PTK7: variants seen among roughly 807,000 people sequenced by gnomAD.
The protein encoded by PTK7 is inactive tyrosine-protein kinase 7.
PTK7 carries 39 observed loss-of-function variants against 116.6 expected under a neutral mutation model. The observed-to-expected ratio is 0.33, with a 90% CI of 0.26 to 0.44. The LOEUF is 0.44. Among genes scored for constraint, PTK7 ranks in the 20% least tolerant of loss-of-function variants. PTK7 has a pLI of 1.00. For missense variants in PTK7, 1,169 were observed against 1,425.6 expected (o/e 0.82, Z 2.90); for synonymous variants, 546 against 563.6 (o/e 0.97, Z 0.44).
In PTK7 at chr6:43,161,087, C is replaced by A. The variant is rs928249803; in HGVS notation, c.*206C>A. The A allele has an allele frequency of 2.9e-6, 2 of 687,888 alleles. No homozygotes were observed. Among genetic ancestry groups the A allele is most frequent in the Non-Finnish European group, 4.6e-6 (2 of 432,896 alleles). 42.6% of individuals were successfully genotyped at this position (687,888 alleles called of 1,614,324 possible). ...GAGGCTGACTTGGACCCAAACTGGGCGACTAGGGCTTTGAGCTGGGCAGTT... is the reference window on the plus strand; with the variant it reads ...GAGGCTGACTTGGACCCAAACTGGGAGACTAGGGCTTTGAGCTGGGCAGTT... On this transcript the variant is annotated 3_prime_UTR_variant, in exon 20 of 20. Transcript: ENST00000230419.
rs1449929554 is a variant in PTK7, at chr6:43,130,310, A to T, written c.551A>T (p.Asn184Ile). Residue 184 changes from asparagine to isoleucine, a missense_variant, in exon 4 of 20, where the codon AAC (asparagine) becomes ATC (isoleucine). Around this residue, in one of 3 missense-constraint regions of PTK7, gnomAD observed 487 missense variants for 549.8 expected, o/e 0.89. Coordinates refer to ENST00000230419, the MANE Select transcript of PTK7 (RefSeq NM_002821.5). ...CACACAGTCAGCAGCAAGGAGCGGA[A>T]CCTGACGCTCCGGCCAGCTGGTCCT... ...SNHTVSSKER[N>I]LTLRPAGPEH... The T allele has an allele frequency of 6.8e-6, 11 of 1,612,470 alleles. No individual in the cohort carries two copies. The highest frequency in any genetic ancestry group is 9.3e-6 in the Non-Finnish European group (11 of 1,179,106).
At position 43,139,473 on chromosome 6, in the gene PTK7, G is replaced by T; in HGVS notation, c.1566G>T (p.Val522=). ...TGGAGTTTGACAAGGAGGCCACGGT[G>T]CCCTGTTCAGCCACAGGCCGAGAGA... ...QCMEFDKEAT[V]PCSATGREKP... is the part of the protein sequence containing the mutation. Residue 522 remains valine, a synonymous_variant, in exon 10 of 20, where the codon GTG becomes GTT. Coordinates refer to ENST00000230419, the MANE Select transcript of PTK7 (RefSeq NM_002821.5). This position sits in a 1 kb window ranked among gnomAD's most constrained non-coding sequence, Gnocchi z 4.6. 6.2e-7 allele frequency: 1 copy of T among 1,614,234 alleles called. No individual in the cohort carries two copies.
Position 43,143,485 on chromosome 6 carries a change from G to A in PTK7, c.2116G>A (p.Gly706Arg), listed in dbSNP as rs929798552. The A allele has an allele frequency of 6.2e-7, 1 of 1,614,038 alleles. No homozygotes were observed. Among genetic ancestry groups the A allele is most frequent in the African/African-American group, 1.3e-5 (1 of 74,928 alleles). The change falls in exon 14 of 20, where the codon GGG (glycine) becomes AGG (arginine). Residue 706 changes from glycine (G) to arginine (R), a missense_variant. Gly to Arg is a moderately radical substitution (Grantham distance 125). Coordinates refer to ENST00000230419, the MANE Select transcript of PTK7 (RefSeq NM_002821.5). The surrounding 1 kb of genome is among the most constrained non-coding windows in gnomAD (Gnocchi z 4.2). ...CCCCTACAAGATGATCCAGACCATT[G>A]GGTTGTCGGTGGGTGCCGCTGTGGC... ...PPPYKMIQTI[G>R]LSVGAAVAYI...
In PTK7 at chr6:43,144,596, C is replaced by A. The variant is rs1770617958; in HGVS notation, c.2397C>A (p.Ile799=). Residue 799 remains isoleucine, a synonymous_variant, in exon 15 of 20, where the codon ATC becomes ATA. Transcript: ENST00000230419. ...TCCCACGGTCTAGCCTGCAGCCCAT[C>A]ACCACGCTGGGTATGTTGCCTTGAC... ...MHFPRSSLQP[I]TTLGKSEFGE... 3 of 1,611,244 alleles carry A rather than the reference C, an allele frequency of 1.9e-6. No individual in the cohort carries two copies. The East Asian group carries it at 6.7e-5, about 36-fold the overall frequency.
chr6:43,130,318 C>T lies in PTK7; in HGVS notation c.559C>T (p.Leu187Phe), dbSNP rs756101273. 5 of 1,612,536 alleles carry T rather than the reference C, an allele frequency of 3.1e-6. No homozygotes were observed. The highest frequency in any genetic ancestry group is 1.6e-4 in the Middle Eastern group (1 of 6,080). ...CAGCAGCAAGGAGCGGAACCTGACGCTCCGGCCAGCTGGTCCTGAGCATAG... is the reference window on the plus strand; with the variant it reads ...CAGCAGCAAGGAGCGGAACCTGACGTTCCGGCCAGCTGGTCCTGAGCATAG... ...TVSSKERNLT[L>F]RPAGPEHSGL... The change falls in exon 4 of 20, where the codon CTC (leucine) becomes TTC (phenylalanine). Residue 187 changes from leucine (L) to phenylalanine (F), a missense_variant. Physicochemically the swap from Leu to Phe is conservative, Grantham distance 22. Coordinates refer to ENST00000230419, the MANE Select transcript of PTK7 (RefSeq NM_002821.5).
chr6:43,142,386 G>T (rs754394075), intron 13 of PTK7, 87 bp downstream of exon 13: 1 of 1,593,188 alleles, frequency 6.3e-7, no homozygotes, highest in Non-Finnish European at 8.6e-7. Flanking sequence ...TACAGAACAT[G>T]GCACAGAAGC....
intron 1 of PTK7, among the ~76,000 whole-genome samples, chr6:43,092,220 C>A (rs978325064): frequency 1.3e-5 from 2 of 152,082 alleles, no homozygotes; most frequent in African/African-American, 2.4e-5. Flanking sequence ...GTTGCCCAGG[C>A]TGGAATGCAG....
intron 1 of PTK7, among the ~76,000 whole-genome samples, chr6:43,111,389 A>G (rs891436161): frequency 2.6e-5 from 4 of 152,174 alleles, no homozygotes; most frequent in Non-Finnish European, 4.4e-5. Context: ...CAGAGATTGG[A>G]TGAGGGAAAT....
chr6:43,141,591 G>T lies in PTK7; in HGVS notation c.1619-77G>T. ...GAGCGATGGTGTGTTTTTGAGTAGA[G>T]GTGAGGGACTGAAGGCATTGCCAGC... On this transcript the variant is annotated intron_variant, in intron 10 of 19. Transcript: ENST00000230419. This position sits in a 1 kb window ranked among gnomAD's most constrained non-coding sequence, Gnocchi z 4.9. 6.6e-7 allele frequency: 1 copy of T among 1,508,596 alleles called. No homozygotes were observed. Among genetic ancestry groups the T allele is most frequent in the Non-Finnish European group, 9.1e-7 (1 of 1,103,860 alleles). 93.5% of individuals were successfully genotyped at this position (1,508,596 alleles called of 1,614,324 possible).
intron 1 of PTK7, among the ~76,000 whole-genome samples, chr6:43,086,490 C>T (rs559903134): frequency 1.3e-5 from 2 of 151,458 alleles, no homozygotes; most frequent in African/African-American, 4.8e-5. Flanking sequence ...TTTGGGACTG[C>T]TGAGGTGTCC....
intron 17 of PTK7, among the ~76,000 whole-genome samples, chr6:43,156,043 A>G (rs1425912116): frequency 6.6e-6 from 1 of 151,882 alleles, no homozygotes; most frequent in East Asian, 1.9e-4. Context: ...AGCCTGACCA[A>G]TGTGGTGAAA....
Position 43,129,613 on chromosome 6 carries a change from G to A in PTK7, c.368-114G>A, listed in dbSNP as rs1485645961. On this transcript the variant is annotated intron_variant, in intron 2 of 19. Transcript: ENST00000230419. The surrounding 1 kb of genome is among the most constrained non-coding windows in gnomAD (Gnocchi z 4.5). Reference sequence around the variant, plus strand: ...GCCTCAGCCTCCAGGGCTTCCTTGTGTCTGTTGGCACAGAGCCTCGAGGTT... The same window carrying A: ...GCCTCAGCCTCCAGGGCTTCCTTGTATCTGTTGGCACAGAGCCTCGAGGTT... The A allele has an allele frequency of 2.2e-6, 2 of 921,652 alleles. No individual in the cohort carries two copies. The highest frequency in any genetic ancestry group is 3.3e-5 in the African/African-American group (2 of 61,412). The allele number at this position is 921,652 out of a possible 1,614,324, so 57.1% of individuals were successfully genotyped here.
chr6:43,138,349 T>C (rs1468718862), intron 7 of PTK7, among the ~76,000 whole-genome samples: 1 of 152,084 alleles, frequency 6.6e-6, no homozygotes, highest in African/African-American at 2.4e-5. Flanking sequence ...GTTAACTAAG[T>C]TAATTAATGT....
chr6:43,113,762 G>A (rs1258744099), intron 1 of PTK7, among the ~76,000 whole-genome samples: 3 of 152,194 alleles, frequency 2.0e-5, no homozygotes, highest in African/African-American at 7.2e-5. Flanking sequence ...TAGATGTCAG[G>A]AAGTTTAACA....
chr6:43,126,693 G>A (rs1181603645), intron 1 of PTK7, among the ~76,000 whole-genome samples: 1 of 152,192 alleles, frequency 6.6e-6, no homozygotes, highest in African/African-American at 2.4e-5. Context: ...TTTGATCGTG[G>A]GCAGATTCCT....
chr6:43,077,169 A>G (rs1449089270), intron 1 of PTK7, among the ~76,000 whole-genome samples: 2 of 152,294 alleles, frequency 1.3e-5, no homozygotes, highest in East Asian at 3.9e-4. Flanking sequence ...GGCCGCCCCC[A>G]TCCATGGCCT....
chr6:43,144,569 C>G lies in PTK7; in HGVS notation c.2370C>G (p.His790Gln), dbSNP rs1770616175. ...GCCACAGCACAAGTGATAAGATGCA[C>G]TTCCCACGGTCTAGCCTGCAGCCCA... Reference protein sequence around the residue: ...NKRHSTSDKMHFPRSSLQPIT... With the variant: ...NKRHSTSDKMQFPRSSLQPIT... The change falls in exon 15 of 20, where the codon CAC becomes CAG. Residue 790 changes from histidine (H) to glutamine (Q), a missense_variant. This residue lies in a region of PTK7 where 678 missense variants were observed against 853.8 expected (regional missense o/e 0.79). Coordinates refer to ENST00000230419, the MANE Select transcript of PTK7 (RefSeq NM_002821.5). 1 of 1,613,928 alleles carries G rather than the reference C, an allele frequency of 6.2e-7. No individual in the cohort carries two copies. The highest frequency in any genetic ancestry group is 8.5e-7 in the Non-Finnish European group (1 of 1,179,940).
In PTK7 at chr6:43,130,516, A is replaced by C; in HGVS notation, c.667A>C (p.Ser223Arg). The C allele has an allele frequency of 6.2e-7, 1 of 1,613,654 alleles. No individual in the cohort carries two copies. The highest frequency in any genetic ancestry group is 8.5e-7 in the Non-Finnish European group (1 of 1,179,794). Residue 223 changes from serine to arginine, a missense_variant, in exon 5 of 20, where the codon AGC becomes CGC. Transcript: ENST00000230419. ...CCCCATCTTTCCCTCTCCAGATGAA[A>C]GCTTTGCCAGGGTGGTGCTGGCACC... ...QNFTLSIADE[S>R]FARVVLAPQD...
intron 1 of PTK7, among the ~76,000 whole-genome samples, chr6:43,088,270 C>T (rs1467300910): frequency 6.6e-6 from 1 of 152,024 alleles, no homozygotes; most frequent in Non-Finnish European, 1.5e-5. Flanking sequence ...TGCACCACTG[C>T]ACTCCAGCCT....
Sources: allele counts gnomAD v4.1 joint callset (sites outside exome capture counted in the v4.1 genomes callset), GRCh38; gene constraint gnomAD v4.1.1; regional missense constraint gnomAD v4.1.1; non-coding constraint Gnocchi (gnomAD v3.1); transcripts MANE v1.5; gene names NCBI Gene and HGNC (gene_info 2026-07-23, HGNC 2026-07-21).